Variants in SNX25 observed in about 807,000 individuals in gnomAD.
SNX25 encodes sorting nexin-25.
SNX25 carries 62 observed loss-of-function variants against 113.7 expected under a neutral mutation model. The ratio of observed to expected loss-of-function variants is 0.55; its 90% confidence interval spans 0.44 to 0.67. SNX25 has a LOEUF of 0.67. SNX25 is among the 30% of genes least tolerant of loss of function. SNX25 has a pLI of 0.00. For missense variants in SNX25, 1,014 were observed against 1,161.0 expected (o/e 0.87, Z 1.84); for synonymous variants, 421 against 436.2 (o/e 0.97, Z 0.43).
upstream of SNX25, among the ~76,000 whole-genome samples, chr4:185,208,171 C>T (rs1367450478): frequency 2.0e-5 from 3 of 151,998 alleles, no homozygotes; most frequent in Non-Finnish European, 4.4e-5. Context: ...TGCAATGGCG[C>T]GATGTCGGCT....
intron 2 of SNX25, 32 bp from the exon 3 acceptor site, chr4:185,258,816 G>A: frequency 1.3e-6 from 2 of 1,562,780 alleles, no homozygotes; most frequent in Non-Finnish European, 1.8e-6. Flanking sequence ...TCTTTCATTT[G>A]TTTTACTCAT....
intron 16 of SNX25, among the ~76,000 whole-genome samples, 185 bp downstream of exon 16, chr4:185,357,922 A>G (rs2095346098): frequency 1.3e-5 from 2 of 152,198 alleles, no homozygotes; most frequent in African/African-American, 4.8e-5. Context: ...CTCCCACAGA[A>G]TGCATATGGC....
chr4:185,257,567 T>C (rs577806914), intron 2 of SNX25, among the ~76,000 whole-genome samples: 45 of 152,380 alleles, frequency 3.0e-4, no homozygotes, highest in African/African-American at 1.0e-3. Flanking sequence ...GATTACATTT[T>C]GAAATAATGT....
intron 7 of SNX25, among the ~76,000 whole-genome samples, chr4:185,315,532 G>GATCCGCC (rs1413758227): frequency 6.6e-6 from 1 of 152,158 alleles, no homozygotes; most frequent in South Asian, 2.1e-4. Flanking sequence ...AAGTTCAGGT[G>GATCCGCC]ATCCGCCTGC....
intron 1 of SNX25, chr4:185,204,587 T>TA: frequency 6.6e-6 from 1 of 152,264 alleles, no homozygotes; most frequent in Non-Finnish European, 1.5e-5. Context: ...GTGCACCTCC[T>TA]AGTCCCCACA....
In SNX25 at chr4:185,332,600, A is replaced by C; in HGVS notation, c.1755A>C (p.Pro585=). ...GTATGTGACTCTCCCCCTAGGGCCC[A>C]AGAGATGAGGCTGGTGAGGAAGCCG... ...QMISNKDEMG[P]RDEAGEEAVD... is the part of the protein sequence containing the mutation. Residue 585 remains proline, a synonymous_variant, in exon 10 of 19, where the codon CCA becomes CCC. Transcript: ENST00000652585. The C allele has an allele frequency of 6.2e-7, 1 of 1,611,902 alleles. No homozygotes were observed. Among genetic ancestry groups the C allele is most frequent in the African/African-American group, 1.3e-5 (1 of 74,976 alleles).
rs546083196 is a variant in SNX25 at position 185,212,491 on chromosome 4, G to GTGTTTCTGTTT, written c.429+2237_429+2238insGTTTCTGTTTT. Among the ~76,000 whole-genome samples, 555 of 104,922 alleles carry GTGTTTCTGTTT rather than the reference G, an allele frequency of 5.3e-3. 14 individuals are homozygous for GTGTTTCTGTTT. The highest frequency in any genetic ancestry group is 0.016 in the African/African-American group (435 of 27,012). 68.8% of individuals were successfully genotyped at this position (104,922 alleles called of 152,430 possible). A position where few individuals can be genotyped will look rare whatever the true frequency, so the allele number is the denominator to read the frequency against. The stretch of plus-strand genomic sequence containing the variant: ...TGTGTGTGTGTGTGTGTGTGTGTGT[G>GTGTTTCTGTTT]TTTTTTTTTTTTTTTGCTTTGAGAC... On this transcript the variant is annotated intron_variant, in intron 1 of 18. Transcript: ENST00000652585.
chr4:185,371,367 G>A (rs563665380), downstream of SNX25, among the ~76,000 whole-genome samples: 162 of 151,768 alleles, frequency 1.1e-3, no homozygotes, highest in Admixed American at 2.9e-3. Context: ...GTGAAACCCC[G>A]TCTCTACTAA....
intron 2 of SNX25, among the ~76,000 whole-genome samples, chr4:185,256,489 A>G (rs1746445395): frequency 6.6e-6 from 1 of 152,162 alleles, no homozygotes; most frequent in Admixed American, 6.5e-5. Context: ...TAGAATATTA[A>G]TACCAAAATT....
At chr4:185,322,713 GA>G (rs2095129821) in intron 8 of SNX25, among the ~76,000 whole-genome samples, 1 of 152,086 alleles carries the variant, frequency 6.6e-6, no homozygotes, top group Non-Finnish European at 1.5e-5. Flanking sequence ...ATATTGTAAA[GA>G]GCAATCTAAA....
chr4:185,322,722 A>G (rs867562138), intron 8 of SNX25, among the ~76,000 whole-genome samples: 14 of 152,216 alleles, frequency 9.2e-5, no homozygotes, highest in African/African-American at 2.2e-4. Context: ...AGAGCAATCT[A>G]AAAAGGTTTT....
At chr4:185,244,186 T>C (rs1744500481) in intron 1 of SNX25, among the ~76,000 whole-genome samples, 1 of 152,124 alleles carries the variant, frequency 6.6e-6, no homozygotes, top group African/African-American at 2.4e-5. Flanking sequence ...TTAGATGGGG[T>C]TTCACCATGT....
chr4:185,218,586 C>G (rs1175005969), intron 1 of SNX25, among the ~76,000 whole-genome samples: 1 of 152,166 alleles, frequency 6.6e-6, no homozygotes, highest in Non-Finnish European at 1.5e-5. Context: ...TTTGTCAGCC[C>G]AGGGTTTCTA....
chr4:185,327,650 T>C (rs1181563139), intron 9 of SNX25, among the ~76,000 whole-genome samples: 1 of 152,256 alleles, frequency 6.6e-6, no homozygotes, highest in Non-Finnish European at 1.5e-5. Flanking sequence ...GTTTACAGTT[T>C]AGCTTTGAAA....
intron 13 of SNX25, 72 bp from the exon 14 acceptor site, chr4:185,351,373 A>T: frequency 6.6e-7 from 1 of 1,510,818 alleles, no homozygotes; most frequent in Non-Finnish European, 9.0e-7. Flanking sequence ...TGCCTCGCTC[A>T]CCTTTACTTG....
chr4:185,292,399 T>G (rs921883667), intron 6 of SNX25, among the ~76,000 whole-genome samples: 3 of 152,018 alleles, frequency 2.0e-5, no homozygotes, highest in Non-Finnish European at 4.4e-5. Flanking sequence ...TTTATTTGTT[T>G]GTTTGTTTGT....
At chr4:185,276,936 T>G (rs997271165) in intron 5 of SNX25, among the ~76,000 whole-genome samples, 1 of 151,964 alleles carries the variant, frequency 6.6e-6, no homozygotes, top group Non-Finnish European at 1.5e-5. Context: ...TAAGGAGGAG[T>G]AGGCGAAGGG....
At chr4:185,211,239 G>T (rs1026833601) in intron 1 of SNX25, among the ~76,000 whole-genome samples, 1 of 152,216 alleles carries the variant, frequency 6.6e-6, no homozygotes, top group Non-Finnish European at 1.5e-5. Flanking sequence ...TACTCTGAGT[G>T]TGTTAGTTCA....
At chr4:185,281,058 C>A (rs1750496720) in intron 5 of SNX25, among the ~76,000 whole-genome samples, 1 of 152,094 alleles carries the variant, frequency 6.6e-6, no homozygotes, top group South Asian at 2.1e-4. Context: ...TTACCTTTTC[C>A]CTCGTTTGGA....
Sources: gnomAD v4.1 joint callset for allele counts (sites outside exome capture counted in the v4.1 genomes callset) on GRCh38, gnomAD v4.1.1 for gene constraint, MANE v1.5 for transcripts, NCBI Gene and HGNC (gene_info 2026-07-23, HGNC 2026-07-21) for gene names.